Variants in LOXHD1 observed in about 807,000 individuals in gnomAD.
The protein encoded by LOXHD1 is lipoxygenase homology domain-containing protein 1.
Under a neutral mutation model 248.2 loss-of-function variants are expected in LOXHD1, and 205 were observed. The ratio of observed to expected loss-of-function variants is 0.83; its 90% CI spans 0.74 to 0.93. LOXHD1 has a LOEUF of 0.93. Ranked by LOEUF, LOXHD1 falls within the 40% of genes least tolerant of loss-of-function variation. The pLI is 0.00. For missense variants in LOXHD1, 2,930 were observed against 2,971.6 expected (o/e 0.99, Z 0.33); for synonymous variants, 1,113 against 1,162.8 (o/e 0.96, Z 0.87).
chr18:46,592,162 C>T (rs2038182361), intron 11 of LOXHD1, 94 bp from the exon 12 acceptor site: 5 of 1,468,548 alleles, frequency 3.4e-6, no homozygotes, highest in African/African-American at 1.4e-5. Context: ...GCAGAGAAGC[C>T]AAGGCTATTT....
intron 5 of LOXHD1, among the ~76,000 whole-genome samples, chr18:46,616,389 G>C (rs889396253): frequency 6.6e-6 from 1 of 152,138 alleles, no homozygotes; most frequent in Non-Finnish European, 1.5e-5. Flanking sequence ...GAGATCAGCA[G>C]GGGCCAAGAC....
At chr18:46,487,147 G>A (rs773968440) in intron 38 of LOXHD1, among the ~76,000 whole-genome samples, 2 of 152,132 alleles carry the variant, frequency 1.3e-5, no homozygotes, top group Non-Finnish European at 2.9e-5. Flanking sequence ...CAGTAGTCAC[G>A]CAAAGGAAGA....
intron 13 of LOXHD1, among the ~76,000 whole-genome samples, chr18:46,578,180 T>C (rs1256068871): frequency 6.6e-6 from 1 of 152,228 alleles, no homozygotes; most frequent in Non-Finnish European, 1.5e-5. Flanking sequence ...AAATCTCCTC[T>C]GGCTCCTTGC....
intron 34 of LOXHD1, among the ~76,000 whole-genome samples, chr18:46,516,236 C>T (rs189541625): frequency 6.6e-5 from 10 of 152,016 alleles, no homozygotes; most frequent in East Asian, 3.9e-4. Context: ...CTGGTGGAGA[C>T]GATAAGAGTA....
chr18:46,608,194 G>A (rs2038451257), intron 6 of LOXHD1, among the ~76,000 whole-genome samples: 1 of 152,120 alleles, frequency 6.6e-6, no homozygotes, highest in African/African-American at 2.4e-5. Context: ...AAAAAATTAG[G>A]TTACCCGGAA....
At chr18:46,537,259 A>G (rs1199720439) in intron 26 of LOXHD1, among the ~76,000 whole-genome samples, 2 of 152,128 alleles carry the variant, frequency 1.3e-5, no homozygotes, top group Non-Finnish European at 2.9e-5. Context: ...CTGGGTTTCA[A>G]TCCTGCTCCC....
chr18:46,645,159 T>A (rs1374838148), intron 2 of LOXHD1, among the ~76,000 whole-genome samples: 1 of 152,156 alleles, frequency 6.6e-6, no homozygotes, highest in Non-Finnish European at 1.5e-5. Flanking sequence ...AATCCTCACA[T>A]CTGGATTGCA....
At chr18:46,563,610 C>T (rs903413574) in intron 17 of LOXHD1, among the ~76,000 whole-genome samples, 13 of 152,072 alleles carry the variant, frequency 8.5e-5, no homozygotes, top group Non-Finnish European at 1.2e-4. Context: ...CCATTGTAAC[C>T]GTATTAAAAG....
chr18:46,498,968 G>A (rs943800599), intron 37 of LOXHD1, among the ~76,000 whole-genome samples: 2 of 152,170 alleles, frequency 1.3e-5, no homozygotes, highest in East Asian at 3.8e-4. Context: ...ATCTGTGGAA[G>A]TCTAGAAAAG....
chr18:46,545,453 G>A, intron 22 of LOXHD1, 32 bp from the exon 23 acceptor site: 3 of 1,477,892 alleles, frequency 2.0e-6, no homozygotes, highest in Non-Finnish European at 2.8e-6. Flanking sequence ...GCAATGAATT[G>A]TAGACTGTTC....
chr18:46,489,045 ACT>A lies in LOXHD1; in HGVS notation c.5974_5975del (p.Ser1992Ter), dbSNP rs2033274775. ...CGCGGACCGTCTGCCCGTCACCCTCACTCTTGGAGAGCCAGCAGTCACACTGG... is the reference window on the plus strand; with the variant it reads ...CGCGGACCGTCTGCCCGTCACCCTCACTTGGAGAGCCAGCAGTCACACTGG... ...HFQCDCWLSK[S>X]EGDGQTVRDF... On this transcript the variant is annotated frameshift_variant, in exon 38 of 41. Coordinates refer to ENST00000642948, the MANE Select transcript of LOXHD1 (RefSeq NM_001384474.1). LOFTEE classifies it high-confidence loss of function. 1 of 1,550,912 alleles carries A rather than the reference ACT, an allele frequency of 6.4e-7. No individual in the cohort carries two copies. The highest frequency in any genetic ancestry group is 8.7e-7 in the Non-Finnish European group (1 of 1,146,878).
intron 38 of LOXHD1, 85 bp downstream of exon 38, chr18:46,488,887 T>C (rs1462836459): frequency 2.1e-6 from 3 of 1,437,176 alleles, no homozygotes; most frequent in African/African-American, 2.8e-5. Context: ...ATCTGGCACC[T>C]GACCCCCCTC....
chr18:46,613,898 C>T (rs1411489085), intron 5 of LOXHD1, among the ~76,000 whole-genome samples: 2 of 152,156 alleles, frequency 1.3e-5, no homozygotes, highest in African/African-American at 2.4e-5. Context: ...TTATTTGTCA[C>T]ATATCTATAT....
chr18:46,562,469 T>C (rs2037549721), intron 18 of LOXHD1, among the ~76,000 whole-genome samples: 1 of 152,216 alleles, frequency 6.6e-6, no homozygotes, highest in South Asian at 2.1e-4. Flanking sequence ...CATGCCCACA[T>C]TCTTATCTCT....
chr18:46,605,178 A>C (rs1055281624), intron 6 of LOXHD1, among the ~76,000 whole-genome samples: 2 of 152,222 alleles, frequency 1.3e-5, no homozygotes, highest in African/African-American at 4.8e-5. Flanking sequence ...CAAAGTGCAC[A>C]ACCCTCTGCT....
At position 46,544,870 on chromosome 18, in the gene LOXHD1, A is replaced by C. The variant is rs1183719350; in HGVS notation, c.3619+447T>G. 5 of 471,474 alleles carry C rather than the reference A, an allele frequency of 1.1e-5. No individual in the cohort carries two copies. The Admixed American group carries it at 1.2e-4, about 11-fold the overall frequency. 29.2% of individuals were successfully genotyped at this position (471,474 alleles called of 1,614,324 possible). A position where few individuals can be genotyped will look rare whatever the true frequency, so the allele number is the denominator to read the frequency against. On this transcript the variant is annotated intron_variant, in intron 23 of 40. Coordinates refer to ENST00000642948, the MANE Select transcript of LOXHD1 (RefSeq NM_001384474.1). ...CAGGATTTTGAGCAAATATATGATG[A>C]CTACTTGAGGGACTGACTGACTCCT...
chr18:46,562,645 G>A (rs984473884), intron 18 of LOXHD1, among the ~76,000 whole-genome samples: 2 of 152,162 alleles, frequency 1.3e-5, no homozygotes, highest in Admixed American at 1.3e-4. Context: ...GGAATGAGTG[G>A]AGGAACTGCA....
In LOXHD1 at chr18:46,649,248, G is replaced by A. The variant is rs755538686; in HGVS notation, c.152C>T (p.Thr51Met). 51 of 1,551,730 alleles carry A rather than the reference G, an allele frequency of 3.3e-5. No homozygotes were observed. The highest frequency in any genetic ancestry group is 3.8e-5 in the Non-Finnish European group (44 of 1,147,020). Residue 51 changes from threonine (T) to methionine (M), a missense_variant, in exon 2 of 41, where the codon ACG (threonine) becomes ATG (methionine). Coordinates refer to ENST00000642948, the MANE Select transcript of LOXHD1 (RefSeq NM_001384474.1). Reference protein sequence around the residue: ...KARVYEVVTATGDVRGAGTDA... With the variant: ...KARVYEVVTAMGDVRGAGTDA... ...CGTCCCTGCACCGCGAACATCCCCC[G>A]TGGCTGTGACCACTTCATACACTGG... is the stretch of plus-strand genomic sequence containing the variant.
chr18:46,600,378 C>A (rs556762681), intron 8 of LOXHD1, among the ~76,000 whole-genome samples: 2 of 152,262 alleles, frequency 1.3e-5, no homozygotes, highest in Non-Finnish European at 2.9e-5. Flanking sequence ...GCAGGCAGAA[C>A]ACCTGAGGTC....
Sources: gnomAD v4.1 joint callset for allele counts (sites outside exome capture counted in the v4.1 genomes callset) on GRCh38, gnomAD v4.1.1 for gene constraint, MANE v1.5 for transcripts, NCBI Gene and HGNC (gene_info 2026-07-23, HGNC 2026-07-21) for gene names.